OTOGL: variants seen among roughly 807,000 people sequenced by gnomAD.
The protein encoded by OTOGL is otogelin-like protein.
In OTOGL, 285 loss-of-function variants were observed where a neutral mutation model predicts 318.5. The ratio of observed to expected loss-of-function variants is 0.89; its 90% CI spans 0.81 to 0.99. The LOEUF is 0.99. OTOGL is among the 50% of genes least tolerant of loss of function. The probability of loss-of-function intolerance (pLI) is 0.00; values close to 1 mark genes in which losing one functional copy is unlikely to be tolerated. For missense variants in OTOGL, 2,899 were observed against 2,845.6 expected (o/e 1.02, Z -0.43); for synonymous variants, 987 against 936.5 (o/e 1.05, Z -0.99).
chr12:80,261,425 A>G (rs931877471), intron 18 of OTOGL, among the ~76,000 whole-genome samples: 1 of 152,178 alleles, frequency 6.6e-6, no homozygotes, highest in African/African-American at 2.4e-5. Context: ...TGCCCACTTC[A>G]TAATGGAATC....
At chr12:80,372,898 G>T (rs1167403845) in intron 57 of OTOGL, among the ~76,000 whole-genome samples, 7 of 151,984 alleles carry the variant, frequency 4.6e-5, no homozygotes, top group Non-Finnish European at 1.0e-4. Context: ...TGTTGGCCAG[G>T]TTGGCCTCAA....
In OTOGL at chr12:80,181,248, A is replaced by T. The variant is rs190071199; in HGVS notation, c.-19-28165A>T. Among the ~76,000 whole-genome samples, 89 of 151,984 alleles carry T rather than the reference A, an allele frequency of 5.9e-4. No individual in the cohort carries two copies. The Middle Eastern group carries it at 0.01, about 18-fold the overall frequency. On this transcript the variant is annotated intron_variant, in intron 1 of 58. Coordinates refer to ENST00000547103, the MANE Select transcript of OTOGL (RefSeq NM_001378609.3). ...TTTTAGTTTGGGGCTTCAATTTCCA[A>T]TTGGGTCCAATTGTGGGCCTGTGTT...
intron 50 of OTOGL, 45 bp downstream of exon 50, chr12:80,358,394 G>T: frequency 7.0e-7 from 1 of 1,429,806 alleles, no homozygotes. Context: ...TGTGTCCAAT[G>T]TTTAAGAAGC....
Position 80,222,249 on chromosome 12 carries a change from G to A in OTOGL, c.489+4G>A. 1.9e-6 allele frequency: 3 copies of A among 1,574,496 alleles called. No individual in the cohort carries two copies. The highest frequency in any genetic ancestry group is 2.6e-6 in the Non-Finnish European group (3 of 1,165,802). Reference sequence around the variant, plus strand: ...GGAGCCTCGGTACACTGTATGGGTAGGTGATTGTAGGACATGATTAACTTA... The same window carrying A: ...GGAGCCTCGGTACACTGTATGGGTAAGTGATTGTAGGACATGATTAACTTA... On this transcript the variant is annotated splice_donor_region_variant and intron_variant, in intron 7 of 58. Coordinates refer to ENST00000547103, the MANE Select transcript of OTOGL (RefSeq NM_001378609.3).
intron 56 of OTOGL, among the ~76,000 whole-genome samples, chr12:80,371,041 G>A (rs754048376): frequency 6.6e-6 from 1 of 152,136 alleles, no homozygotes; most frequent in Middle Eastern, 3.4e-3. Flanking sequence ...CAAACAGTGA[G>A]ATTTTTGATG....
chr12:80,107,715 G>A (rs536894357), intron 1 of OTOGL, among the ~76,000 whole-genome samples: 1 of 152,124 alleles, frequency 6.6e-6, no homozygotes, highest in Admixed American at 6.5e-5. Context: ...CCCATCAGTG[G>A]TAGACTAGAT....
intron 9 of OTOGL, among the ~76,000 whole-genome samples, chr12:80,237,527 A>G (rs1042323994): frequency 1.3e-5 from 2 of 152,050 alleles, no homozygotes; most frequent in Non-Finnish European, 2.9e-5. Flanking sequence ...AGGAAGAACA[A>G]GAGCAAGTGT....
intron 1 of OTOGL, among the ~76,000 whole-genome samples, chr12:80,191,975 T>C (rs1485614354): frequency 1.3e-5 from 2 of 152,274 alleles, no homozygotes; most frequent in Non-Finnish European, 2.9e-5. Context: ...TATTCACTTA[T>C]AAGTTATTAC....
chr12:80,298,151 A>G (rs778604281), intron 27 of OTOGL, among the ~76,000 whole-genome samples: 1 of 152,222 alleles, frequency 6.6e-6, no homozygotes, highest in South Asian at 2.1e-4. Context: ...GCTTGCCTTT[A>G]AGAAGTTTCT....
intron 1 of OTOGL, among the ~76,000 whole-genome samples, chr12:80,190,603 C>T (rs1367243342): frequency 6.6e-6 from 1 of 151,430 alleles, no homozygotes; most frequent in African/African-American, 2.4e-5. Flanking sequence ...CTGGCTAACA[C>T]GGTGAAACCC....
chr12:80,313,051 T>G (rs2137799952), intron 30 of OTOGL, among the ~76,000 whole-genome samples: 1 of 152,284 alleles, frequency 6.6e-6, no homozygotes, highest in African/African-American at 2.4e-5. Flanking sequence ...TAAAGATTGC[T>G]ATTACCATTA....
chr12:80,367,576 G>T lies in OTOGL; in HGVS notation c.6347G>T (p.Cys2116Phe). 6.5e-7 allele frequency: 1 copy of T among 1,532,068 alleles called. No individual in the cohort carries two copies. The highest frequency in any genetic ancestry group is 8.9e-7 in the Non-Finnish European group (1 of 1,128,354). The allele number at this position is 1,532,068 out of a possible 1,614,324, so 94.9% of individuals were successfully genotyped here. ...CTGTTCTTAGAAAAGGATGATGTGT[G>T]TGTATTTCAAGAAGTATCAGTATTG... ...IQYLCEKDDV[C>F]VFQEVSVLNP... Residue 2116 changes from cysteine (C) to phenylalanine (F), a missense_variant, in exon 54 of 59, where the codon TGT (cysteine) becomes TTT (phenylalanine). Around this residue, in one of 3 missense-constraint regions of OTOGL, gnomAD observed 289 missense variants for 304.6 expected, o/e 0.95. Transcript: ENST00000547103.
At chr12:80,106,878 A>T (rs879303713) in intron 1 of OTOGL, among the ~76,000 whole-genome samples, 6 of 151,242 alleles carry the variant, frequency 4.0e-5, no homozygotes, top group East Asian at 1.9e-4. Flanking sequence ...TTTTTTTTTT[A>T]AATTAGTACT....
intron 8 of OTOGL, among the ~76,000 whole-genome samples, chr12:80,229,994 T>C (rs1879223097): frequency 7.0e-6 from 1 of 141,974 alleles, no homozygotes; most frequent in South Asian, 2.1e-4. Flanking sequence ...GGTGGAAGGT[T>C]TTTTTTTTTT....
intron 1 of OTOGL, among the ~76,000 whole-genome samples, chr12:80,151,612 A>G (rs1270302683): frequency 1.3e-5 from 2 of 152,194 alleles, no homozygotes; most frequent in African/African-American, 4.8e-5. Context: ...TTGAATTAGT[A>G]TTGCTGTTTT....
chr12:80,329,159 A>G, intron 37 of OTOGL, 40 bp downstream of exon 37: 14 of 1,379,744 alleles, frequency 1.0e-5, no homozygotes, highest in South Asian at 3.1e-5. Flanking sequence ...AGCACTATGT[A>G]GTTTAAGTGT....
At chr12:80,238,327 C>A (rs78053221) in intron 9 of OTOGL, among the ~76,000 whole-genome samples, 115 of 152,220 alleles carry the variant, frequency 7.6e-4, no homozygotes, top group African/African-American at 2.7e-3. Flanking sequence ...GTTTTCCAGT[C>A]TTTCATTGCC....
intron 27 of OTOGL, among the ~76,000 whole-genome samples, chr12:80,299,550 T>C (rs1052991977): frequency 7.2e-6 from 1 of 139,318 alleles, no homozygotes; most frequent in African/African-American, 2.5e-5. Context: ...TTCTCAAACA[T>C]TGAAAGTGAA....
intron 1 of OTOGL, among the ~76,000 whole-genome samples, chr12:80,144,335 T>C (rs1343887824): frequency 6.6e-6 from 1 of 151,716 alleles, no homozygotes; most frequent in Non-Finnish European, 1.5e-5. Flanking sequence ...GATAGTTTAC[T>C]GAGAATGATG....
Sources: allele counts gnomAD v4.1 joint callset (sites outside exome capture counted in the v4.1 genomes callset), GRCh38; gene constraint gnomAD v4.1.1; regional missense constraint gnomAD v4.1.1; transcripts MANE v1.5; gene names NCBI Gene and HGNC (gene_info 2026-07-23, HGNC 2026-07-21).